UNC79: variants seen among roughly 807,000 people sequenced by gnomAD.
UNC79 encodes the protein unc-79 subunit of NALCN channel complex.
Under a neutral mutation model 283.1 loss-of-function variants are expected in UNC79, and 37 were observed. The observed-to-expected ratio is 0.13, with a 90% CI of 0.10 to 0.17. UNC79 has a LOEUF of 0.17. Among genes scored for constraint, UNC79 ranks in the 10% least tolerant of loss-of-function variants. The pLI is 1.00. For synonymous variants in UNC79, 1,107 were observed against 1,200.2 expected (o/e 0.92, Z 1.61); for missense variants, 2,272 against 3,211.1 (o/e 0.71, Z 7.07).
intron 2 of UNC79, among the ~76,000 whole-genome samples, chr14:93,473,325 A>G (rs1191254614): frequency 6.6e-6 from 1 of 152,186 alleles, no homozygotes; most frequent in Non-Finnish European, 1.5e-5. Context: ...CCCAACATGC[A>G]AAATTTAAAA....
intron 1 of UNC79, among the ~76,000 whole-genome samples, chr14:93,453,362 C>A (rs1482240300): frequency 6.6e-6 from 1 of 152,078 alleles, no homozygotes; most frequent in Non-Finnish European, 1.5e-5. Context: ...TTCGTATATC[C>A]CCGAAATTAT....
chr14:93,653,869 G>C lies in UNC79; in HGVS notation c.6196+15G>C. On this transcript the variant is annotated intron_variant, in intron 36 of 48. Transcript: ENST00000555664. The stretch of plus-strand genomic sequence containing the variant: ...CACGATCAAAGGTAATTCATCCACT[G>C]AGGATCCAGGCACCACAAATTTGCC... 6.2e-7 allele frequency: 1 copy of C among 1,614,108 alleles called. No homozygotes were observed. The highest frequency in any genetic ancestry group is 1.1e-5 in the South Asian group (1 of 91,082).
At chr14:93,494,394 C>T (rs534324870) in intron 5 of UNC79, among the ~76,000 whole-genome samples, 1 of 152,276 alleles carries the variant, frequency 6.6e-6, no homozygotes, top group Admixed American at 6.5e-5. Context: ...AGTGGTTCTA[C>T]TCACTGATAC....
chr14:93,543,700 T>C (rs1338742642), intron 14 of UNC79, among the ~76,000 whole-genome samples: 1 of 152,232 alleles, frequency 6.6e-6, no homozygotes, highest in Non-Finnish European at 1.5e-5. Context: ...AATTTGCATC[T>C]AACCCAGAAA....
rs980695392 is a variant in UNC79 at position 93,686,803 on chromosome 14, A to G, written c.6909+142A>G. On this transcript the variant is annotated intron_variant, in intron 43 of 48. Transcript: ENST00000555664. Reference sequence around the variant, plus strand: ...AATGAGCCCCTGTCTTGGGGGATCAAAGAGCCAGGGTCCAGCTTTGCAAAG... The same window carrying G: ...AATGAGCCCCTGTCTTGGGGGATCAGAGAGCCAGGGTCCAGCTTTGCAAAG... 9 of 861,128 alleles carry G rather than the reference A, an allele frequency of 1.0e-5. No individual in the cohort carries two copies. The African/African-American group carries it at 1.2e-4, about 11-fold the overall frequency. 53.3% of individuals were successfully genotyped at this position (861,128 alleles called of 1,614,324 possible).
chr14:93,529,362 A>C, intron 10 of UNC79, 36 bp downstream of exon 10: 1 of 1,605,006 alleles, frequency 6.2e-7, no homozygotes, highest in South Asian at 1.1e-5. Context: ...ATAATGAGTA[A>C]TCATGACTAA....
intron 1 of UNC79, among the ~76,000 whole-genome samples, chr14:93,451,656 A>G (rs2056646766): frequency 6.6e-6 from 1 of 152,100 alleles, no homozygotes; most frequent in Non-Finnish European, 1.5e-5. Context: ...TAGGGTTCTA[A>G]TTGCTCTTAA....
intron 17 of UNC79, among the ~76,000 whole-genome samples, chr14:93,576,758 C>T (rs914372419): frequency 1.3e-5 from 2 of 151,766 alleles, no homozygotes; most frequent in African/African-American, 4.9e-5. Context: ...TGGAGATGCT[C>T]CCAGAGATGT....
At position 93,688,913 on chromosome 14, in the gene UNC79, T is replaced by C; in HGVS notation, c.7085+73T>C. ...ACCCCTGAGTTTCCTCGGGCTCAGC[T>C]AGAGTTAAGGAGTACACCGAAGATT... On this transcript the variant is annotated intron_variant, in intron 44 of 48. Coordinates refer to ENST00000555664, the Ensembl canonical transcript of UNC79. The surrounding 1 kb of genome is among the most constrained non-coding windows in gnomAD (Gnocchi z 4.0). 1.3e-6 allele frequency: 2 copies of C among 1,531,474 alleles called. No homozygotes were observed. The highest frequency in any genetic ancestry group is 4.5e-5 in the East Asian group (2 of 44,110). The allele number at this position is 1,531,474 out of a possible 1,614,324, so 94.9% of individuals were successfully genotyped here.
intron 7 of UNC79, among the ~76,000 whole-genome samples, chr14:93,506,099 T>A (rs537230307): frequency 4.8e-4 from 73 of 152,268 alleles, no homozygotes; most frequent in South Asian, 1.0e-3. Context: ...TGAAGTTTTT[T>A]AAAATAATAT....
At chr14:93,571,666 G>A (rs2063214874) in intron 14 of UNC79, among the ~76,000 whole-genome samples, 1 of 152,130 alleles carries the variant, frequency 6.6e-6, no homozygotes, top group Admixed American at 6.5e-5. Flanking sequence ...AATTCCATCT[G>A]TAATCAATAT....
upstream of UNC79, among the ~76,000 whole-genome samples, chr14:93,429,204 A>T (rs1360804965): frequency 6.6e-6 from 1 of 152,220 alleles, no homozygotes; most frequent in Non-Finnish European, 1.5e-5. Context: ...TATTTTCTTT[A>T]GAATGATTCC....
At chr14:93,660,220 T>C (rs1364859740) in intron 39 of UNC79, among the ~76,000 whole-genome samples, 1 of 152,166 alleles carries the variant, frequency 6.6e-6, no homozygotes, top group African/African-American at 2.4e-5. Flanking sequence ...TCATGGTTTA[T>C]GCTAGAAAGT....
At position 93,430,916 on chromosome 14, in the gene UNC79, C is replaced by T; in HGVS notation, c.-114C>T. The T allele has an allele frequency of 2.2e-6, 1 of 456,170 alleles. No individual in the cohort carries two copies. Among genetic ancestry groups the T allele is most frequent in the Admixed American group, 3.2e-5 (1 of 30,824 alleles). The allele number at this position is 456,170 out of a possible 1,614,324, so 28.3% of individuals were successfully genotyped here. A position where few individuals can be genotyped will look rare whatever the true frequency, so the allele number is the denominator to read the frequency against. On this transcript the variant is annotated 5_prime_UTR_variant, in exon 1 of 49. Transcript: ENST00000555664. This position sits in a 1 kb window ranked among gnomAD's most constrained non-coding sequence, Gnocchi z 4.6. ...ACACGGGCCTAAGGGAGGGGGAAAG[C>T]GAGGGGGTGGGGGGTGGGGGGTATG...
At chr14:93,452,696 T>A (rs945441334) in intron 1 of UNC79, among the ~76,000 whole-genome samples, 1 of 152,142 alleles carries the variant, frequency 6.6e-6, no homozygotes, top group African/African-American at 2.4e-5. Context: ...CCGAATTTTT[T>A]AAATTGATAA....
intron 1 of UNC79, among the ~76,000 whole-genome samples, chr14:93,416,428 G>C (rs2055459079): frequency 6.6e-6 from 1 of 151,850 alleles, no homozygotes; most frequent in Non-Finnish European, 1.5e-5. Flanking sequence ...GCTGAGGAGT[G>C]CTTTACTTCC....
Position 93,662,734 on chromosome 14 carries a change from T to C in UNC79, c.6636+20T>C. 1 of 1,558,962 alleles carries C rather than the reference T, an allele frequency of 6.4e-7. No homozygotes were observed. The highest frequency in any genetic ancestry group is 8.8e-7 in the Non-Finnish European group (1 of 1,140,390). ...ACTAAGGTAAGCAAGCTTCCATATG[T>C]GTGTTCCTGTGAAACTGAAAACTGG... On this transcript the variant is annotated intron_variant, in intron 40 of 48. Coordinates refer to ENST00000555664, the Ensembl canonical transcript of UNC79.
At chr14:93,442,212 T>G (rs886482081) in intron 1 of UNC79, among the ~76,000 whole-genome samples, 9 of 152,148 alleles carry the variant, frequency 5.9e-5, no homozygotes, top group African/African-American at 2.2e-4. Flanking sequence ...GTCCTTTCAA[T>G]AAGTTCAAGA....
At chr14:93,677,766 C>T (rs964727621) in intron 41 of UNC79, among the ~76,000 whole-genome samples, 1 of 152,182 alleles carries the variant, frequency 6.6e-6, no homozygotes, top group Non-Finnish European at 1.5e-5. Flanking sequence ...TCTCCTGTCT[C>T]AGCCTCCTGA....
Sources: gnomAD v4.1 joint callset for allele counts (sites outside exome capture counted in the v4.1 genomes callset) on GRCh38, gnomAD v4.1.1 for gene constraint, Gnocchi (gnomAD v3.1) non-coding constraint, MANE v1.5 for transcripts, NCBI Gene and HGNC (gene_info 2026-07-23, HGNC 2026-07-21) for gene names.